SYCP2L: variants seen among roughly 807,000 people sequenced by gnomAD.
SYCP2L encodes the protein synaptonemal complex protein 2-like.
In SYCP2L, 98 loss-of-function variants were observed where a neutral mutation model predicts 125.8. That is an observed-to-expected ratio of 0.78 (90% CI 0.66 to 0.92). SYCP2L has a LOEUF of 0.92. Among genes scored for constraint, SYCP2L ranks in the 40% least tolerant of loss-of-function variants. The pLI is 0.00. For missense variants in SYCP2L, 842 were observed against 936.4 expected (o/e 0.90, Z 1.32); for synonymous variants, 317 against 325.4 (o/e 0.97, Z 0.28).
At chr6:10,916,800 G>A (rs1305082217) in intron 14 of SYCP2L, among the ~76,000 whole-genome samples, 1 of 152,156 alleles carries the variant, frequency 6.6e-6, no homozygotes, top group African/African-American at 2.4e-5. Flanking sequence ...GACCAGCCTG[G>A]TCAACATGGT....
chr6:10,955,304 G>T, intron 24 of SYCP2L, 87 bp downstream of exon 24: 3 of 827,778 alleles, frequency 3.6e-6, no homozygotes, highest in Non-Finnish European at 6.0e-6. Context: ...CACAAGGGAG[G>T]TATAGTTTTA....
chr6:10,913,752 T>C (rs913027555), intron 14 of SYCP2L, among the ~76,000 whole-genome samples: 2 of 152,212 alleles, frequency 1.3e-5, no homozygotes, highest in Admixed American at 1.3e-4. Context: ...TTTGTTTTTA[T>C]TGCATTTGCT....
At chr6:10,923,677 CTTTTTCTTTTTT>C (rs1943314466) in intron 14 of SYCP2L, among the ~76,000 whole-genome samples, 1 of 37,422 alleles carries the variant, frequency 2.7e-5, no homozygotes. Context: ...CTTTCTTTTT[CTTTTTCTTTTTT>C]TTTTTTTTTC....
chr6:10,928,930 T>TA (rs70991074), intron 18 of SYCP2L, among the ~76,000 whole-genome samples: 3 of 150,312 alleles, frequency 2.0e-5, no homozygotes, highest in African/African-American at 7.5e-5. Context: ...TTTTTTTTTT[T>TA]AAGACTGAGT....
intron 8 of SYCP2L, 59 bp downstream of exon 8, chr6:10,903,022 T>C (rs940603102): frequency 3.6e-6 from 5 of 1,395,262 alleles, no homozygotes; most frequent in African/African-American, 1.4e-5. Flanking sequence ...CATGAGTGTA[T>C]GGCTTCAGTC....
At chr6:10,903,092 A>C in intron 8 of SYCP2L, 129 bp downstream of exon 8, 1 of 743,474 alleles carries the variant, frequency 1.3e-6, no homozygotes, top group Non-Finnish European at 2.2e-6. Context: ...TTGTGCACCT[A>C]TTATGTGTCA....
intron 14 of SYCP2L, among the ~76,000 whole-genome samples, chr6:10,919,543 C>CT (rs1451447316): frequency 6.6e-6 from 1 of 152,132 alleles, no homozygotes; most frequent in Non-Finnish European, 1.5e-5. Flanking sequence ...TGTTTTTGTG[C>CT]TGGTTGGCCT....
rs767345768 is a variant in SYCP2L, at chr6:10,926,435, A to G, written c.1312+3A>G. ...CAGTGGCCTTGAAAGAGAAACAGGT[A>G]TATTGGGAAATAACAAAATTCTGAC... is the stretch of plus-strand genomic sequence containing the variant. On this transcript the variant is annotated splice_donor_region_variant and intron_variant, in intron 16 of 29. Coordinates refer to ENST00000283141, the MANE Select transcript of SYCP2L (RefSeq NM_001040274.3). 4 of 1,602,916 alleles carry G rather than the reference A, an allele frequency of 2.5e-6. No homozygotes were observed. Among genetic ancestry groups the G allele is most frequent in the Non-Finnish European group, 3.4e-6 (4 of 1,171,416 alleles).
At chr6:10,903,016 A>ATT in intron 8 of SYCP2L, 53 bp downstream of exon 8, 1 of 1,431,372 alleles carries the variant, frequency 7.0e-7, no homozygotes, top group South Asian at 1.2e-5. Flanking sequence ...ATCTCTCATG[A>ATT]GTGTATGGCT....
At position 10,928,394 on chromosome 6, in the gene SYCP2L, C is replaced by A; in HGVS notation, c.1441-9C>A. On this transcript the variant is annotated splice_polypyrimidine_tract_variant and intron_variant, in intron 17 of 29. Coordinates refer to ENST00000283141, the MANE Select transcript of SYCP2L (RefSeq NM_001040274.3). ...TGAAATCTTCACAATCCACGTTCTT[C>A]TGCCATAGCTTCAGCCGGTCCCTCC... The A allele has an allele frequency of 7.3e-7, 1 of 1,373,838 alleles. No individual in the cohort carries two copies. Among genetic ancestry groups the A allele is most frequent in the Non-Finnish European group, 1.0e-6 (1 of 979,870 alleles). 85.1% of individuals were successfully genotyped at this position (1,373,838 alleles called of 1,614,324 possible).
rs1388121963 is a variant in SYCP2L at position 10,956,276 on chromosome 6, T to C, written c.2163+34T>C. 4 of 1,471,552 alleles carry C rather than the reference T, an allele frequency of 2.7e-6. No individual in the cohort carries two copies. The South Asian group carries it at 3.4e-5, about 13-fold the overall frequency. 91.2% of individuals were successfully genotyped at this position (1,471,552 alleles called of 1,614,324 possible). A position where few individuals can be genotyped will look rare whatever the true frequency, so the allele number is the denominator to read the frequency against. ...CCACAAAACTTAAAAAACTAGAGCG[T>C]TATGAATCTGGAGGACATTATGCTA... On this transcript the variant is annotated intron_variant, in intron 25 of 29. Coordinates refer to ENST00000283141, the MANE Select transcript of SYCP2L (RefSeq NM_001040274.3).
At chr6:10,905,798 A>T (rs1466622961) in intron 8 of SYCP2L, among the ~76,000 whole-genome samples, 1 of 152,230 alleles carries the variant, frequency 6.6e-6, no homozygotes. Context: ...CTCAGAGTGT[A>T]TATAGTAGTT....
intron 29 of SYCP2L, among the ~76,000 whole-genome samples, chr6:10,964,682 A>G (rs1316165905): frequency 2.6e-5 from 4 of 152,172 alleles, no homozygotes; most frequent in African/African-American, 9.7e-5. Flanking sequence ...AATGGAGGCA[A>G]CCCATTAAAA....
At chr6:10,931,568 T>G in intron 20 of SYCP2L, 79 bp downstream of exon 20, 1 of 1,382,904 alleles carries the variant, frequency 7.2e-7, no homozygotes, top group Non-Finnish European at 1.0e-6. Flanking sequence ...CTTTCAGAAA[T>G]ATAAAAATAA....
At chr6:10,897,703 C>T (rs957404826) in intron 4 of SYCP2L, among the ~76,000 whole-genome samples, 2 of 152,200 alleles carry the variant, frequency 1.3e-5, no homozygotes, top group Middle Eastern at 3.2e-3. Flanking sequence ...TGAGCCACTG[C>T]GCCTGGCCTC....
In SYCP2L at chr6:10,959,660, G is replaced by C. The variant is rs570924704; in HGVS notation, c.2255+785G>C. On this transcript the variant is annotated intron_variant, in intron 26 of 29. Coordinates refer to ENST00000283141, the MANE Select transcript of SYCP2L (RefSeq NM_001040274.3). Reference sequence around the variant, plus strand: ...TGAGGTGGGTGGATCACCTGAGGTCGGGAGTTCGAGACCAGCCTGACCAAC... The same window carrying C: ...TGAGGTGGGTGGATCACCTGAGGTCCGGAGTTCGAGACCAGCCTGACCAAC... 8.5e-4 allele frequency among the ~76,000 whole-genome samples: 129 copies of C among 151,950 alleles called. 1 individual carries two copies. Among genetic ancestry groups the C allele is most frequent in the African/African-American group, 3.0e-3 (123 of 41,438 alleles).
At chr6:10,970,366 G>A (rs1353245126) in intron 29 of SYCP2L, among the ~76,000 whole-genome samples, 3 of 152,244 alleles carry the variant, frequency 2.0e-5, no homozygotes, top group African/African-American at 7.2e-5. Flanking sequence ...GGGTGTGGGT[G>A]TGGATGGTGG....
chr6:10,935,533 C>CT (rs1190627417), intron 21 of SYCP2L, among the ~76,000 whole-genome samples: 216 of 150,878 alleles, frequency 1.4e-3, no homozygotes, highest in African/African-American at 4.6e-3. Context: ...TTTTTCTTTT[C>CT]TTTTTTTTTG....
At chr6:10,893,527 C>G (rs2113284669) in intron 2 of SYCP2L, among the ~76,000 whole-genome samples, 1 of 152,242 alleles carries the variant, frequency 6.6e-6, no homozygotes, top group East Asian at 1.9e-4. Context: ...ATATCTGAAA[C>G]TGAAGTGTTG....
Sources: allele counts gnomAD v4.1 joint callset (sites outside exome capture counted in the v4.1 genomes callset), GRCh38; gene constraint gnomAD v4.1.1; transcripts MANE v1.5; gene names NCBI Gene and HGNC (gene_info 2026-07-23, HGNC 2026-07-21).